PCDHA12: variants seen among roughly 807,000 people sequenced by gnomAD.
The protein encoded by PCDHA12 is protocadherin alpha 12.
In PCDHA12, 44 loss-of-function variants were observed where a neutral mutation model predicts 60.0. The observed-to-expected ratio is 0.73, with a 90% CI of 0.58 to 0.94. The LOEUF (loss-of-function observed/expected upper bound fraction) is 0.94. Ranked by LOEUF, PCDHA12 falls within the 40% of genes least tolerant of loss-of-function variation. PCDHA12 has a pLI of 0.00. For missense variants in PCDHA12, 1,276 were observed against 1,239.7 expected (o/e 1.03, Z -0.44); for synonymous variants, 569 against 553.0 (o/e 1.03, Z -0.40).
At chr5:140,910,105 T>C (rs1021391817) in intron 1 of PCDHA12, among the ~76,000 whole-genome samples, 11 of 152,202 alleles carry the variant, frequency 7.2e-5, no homozygotes, top group African/African-American at 2.7e-4. Flanking sequence ...CCCCTTCATT[T>C]AAGGGATTCT....
At chr5:140,998,721 C>G (rs987484967) in intron 3 of PCDHA12, among the ~76,000 whole-genome samples, 1 of 152,084 alleles carries the variant, frequency 6.6e-6, no homozygotes, top group Non-Finnish European at 1.5e-5. Context: ...TGCACCACCA[C>G]GCTAGGCTAA....
chr5:140,920,821 C>T (rs1389717155), intron 1 of PCDHA12, among the ~76,000 whole-genome samples: 11 of 146,336 alleles, frequency 7.5e-5, no homozygotes, highest in South Asian at 2.1e-4. Flanking sequence ...TCCAGCCTGG[C>T]GACGGAGCAA....
chr5:140,941,564 C>T (rs1352264408), intron 1 of PCDHA12, among the ~76,000 whole-genome samples: 2 of 151,992 alleles, frequency 1.3e-5, no homozygotes, highest in Non-Finnish European at 2.9e-5. Flanking sequence ...ATCCATTCGC[C>T]TCAGCCTCCC....
chr5:140,952,378 A>G (rs1282372403), intron 1 of PCDHA12, among the ~76,000 whole-genome samples: 1 of 151,376 alleles, frequency 6.6e-6, no homozygotes, highest in Non-Finnish European at 1.5e-5. Flanking sequence ...TTCCTCTGCC[A>G]GGTACCCTAA....
chr5:140,989,685 A>G (rs1393246206), intron 3 of PCDHA12, among the ~76,000 whole-genome samples: 2 of 152,186 alleles, frequency 1.3e-5, no homozygotes, highest in Non-Finnish European at 2.9e-5. Context: ...TTTCAAAGGA[A>G]CGTGAAAATT....
rs571694728 is a variant in PCDHA12, at chr5:140,949,343, CTG to C, written c.2368-29602_2368-29601del. Among the ~76,000 whole-genome samples the C allele has an allele frequency of 8.0e-4, 121 of 151,818 alleles. 1 individual carries two copies. Among genetic ancestry groups the C allele is most frequent in the Admixed American group, 3.5e-3 (54 of 15,258 alleles). On this transcript the variant is annotated intron_variant, in intron 1 of 3. Transcript: ENST00000398631. ...TATAAATTATTGTTATCCAGATTTT[CTG>C]TGTCTTTATTTTTTTGTCTAGTTGT...
intron 3 of PCDHA12, among the ~76,000 whole-genome samples, chr5:141,009,257 C>G (rs1375950001): frequency 6.6e-6 from 1 of 152,136 alleles, no homozygotes; most frequent in Non-Finnish European, 1.5e-5. Flanking sequence ...GTGTTTGAGA[C>G]CAGCCTGGGC....
At chr5:140,992,044 T>A (rs1160444128) in intron 3 of PCDHA12, among the ~76,000 whole-genome samples, 1 of 151,788 alleles carries the variant, frequency 6.6e-6, no homozygotes, top group African/African-American at 2.4e-5. Flanking sequence ...TGTGTGTGTG[T>A]GTGTGTGTGT....
intron 1 of PCDHA12, chr5:140,928,749 T>A: frequency 1.2e-6 from 2 of 1,614,194 alleles, no homozygotes; most frequent in Non-Finnish European, 1.7e-6. Flanking sequence ...GTGAGCTCCG[T>A]ACTGCTCGCT....
intron 3 of PCDHA12, among the ~76,000 whole-genome samples, chr5:141,008,922 G>A (rs34518527): frequency 0.052 from 7,924 of 152,178 alleles, 248 homozygotes; most frequent in South Asian, 0.11. Flanking sequence ...AATTTATTCA[G>A]CTAATTTTTC....
chr5:140,925,108 G>GGAAGGAAGGAAGGAAGGAA (rs1554202548), intron 1 of PCDHA12, among the ~76,000 whole-genome samples: 8 of 124,780 alleles, frequency 6.4e-5, no homozygotes, highest in South Asian at 4.6e-4. Context: ...GAAGGAAGGA[G>GGAAGGAAGGAAGGAAGGAA]GGAAGGAAGG....
intron 1 of PCDHA12, among the ~76,000 whole-genome samples, chr5:140,896,683 C>T (rs2153454060): frequency 6.6e-6 from 1 of 152,068 alleles, no homozygotes; most frequent in South Asian, 2.1e-4. Context: ...GGCCCTTTGC[C>T]CATTTTTTGA....
chr5:140,884,699 C>A, intron 1 of PCDHA12: 3 of 1,500,334 alleles, frequency 2.0e-6, no homozygotes, highest in Non-Finnish European at 2.7e-6. Context: ...TTAGTAAACA[C>A]TTTAGCCTTC....
intron 1 of PCDHA12, 40 bp from the exon 2 acceptor site, chr5:140,978,909 C>T: frequency 6.2e-7 from 1 of 1,613,660 alleles, no homozygotes; most frequent in South Asian, 1.1e-5. Context: ...AGAACATTGT[C>T]TTGTCATTTT....
intron 1 of PCDHA12, chr5:140,966,824 A>G (rs1463208532): frequency 1.3e-6 from 2 of 1,559,876 alleles, no homozygotes; most frequent in Admixed American, 1.9e-5. Flanking sequence ...CCGGCGGCCC[A>G]TGCCCTGGCT....
chr5:140,968,091 C>T lies in PCDHA12; in HGVS notation c.2368-10858C>T, dbSNP rs782079016. 1.4e-5 allele frequency: 22 copies of T among 1,614,128 alleles called. No individual in the cohort carries two copies. Among genetic ancestry groups the T allele is most frequent in the Non-Finnish European group, 1.9e-5 (22 of 1,180,016 alleles). On this transcript the variant is annotated intron_variant, in intron 1 of 3. Coordinates refer to ENST00000398631, the MANE Select transcript of PCDHA12 (RefSeq NM_018903.4). ...GTCTACAACATCACGGTGACAGCCA[C>T]AGATGGGGGAATACCGCAGCTCACA...
chr5:140,910,022 C>G (rs2074840302), intron 1 of PCDHA12, among the ~76,000 whole-genome samples: 1 of 152,174 alleles, frequency 6.6e-6, no homozygotes, highest in South Asian at 2.1e-4. Context: ...CCTTGTATCC[C>G]TGGGATAAAT....
At position 140,876,883 on chromosome 5, in the gene PCDHA12, G is replaced by A; in HGVS notation, c.1411G>A (p.Gly471Ser). Residue 471 changes from glycine to serine, a missense_variant, in exon 1 of 4, where the codon GGC becomes AGC. Physicochemically the swap from Gly to Ser is moderately conservative, Grantham distance 56. Coordinates refer to ENST00000398631, the MANE Select transcript of PCDHA12 (RefSeq NM_018903.4). Reference sequence around the variant, plus strand: ...GTTCGTGAAGGAGAACAACCCGCCGGGCTGCCACATCTTCACGGTGTCGGC... The same window carrying A: ...GTTCGTGAAGGAGAACAACCCGCCGAGCTGCCACATCTTCACGGTGTCGGC... ...TVFVKENNPP[G>S]CHIFTVSAWD... 1.2e-6 allele frequency: 2 copies of A among 1,614,132 alleles called. No homozygotes were observed. The highest frequency in any genetic ancestry group is 1.7e-6 in the Non-Finnish European group (2 of 1,180,002).
chr5:140,904,287 G>A (rs2071024041), intron 1 of PCDHA12, among the ~76,000 whole-genome samples: 1 of 151,908 alleles, frequency 6.6e-6, no homozygotes, highest in Non-Finnish European at 1.5e-5. Context: ...TGTGGTGTTT[G>A]GTTTTCCATT....
Sources: gnomAD v4.1 joint callset for allele counts (sites outside exome capture counted in the v4.1 genomes callset) on GRCh38, gnomAD v4.1.1 for gene constraint, MANE v1.5 for transcripts, NCBI Gene and HGNC (gene_info 2026-07-23, HGNC 2026-07-21) for gene names.